Variants in GABRA5 observed in about 807,000 individuals in gnomAD.
The protein encoded by GABRA5 is gamma-aminobutyric acid receptor subunit alpha-5.
A neutral mutation model predicts 47.3 loss-of-function variants in GABRA5; 18 were observed. The ratio of observed to expected loss-of-function variants is 0.38; its 90% CI spans 0.26 to 0.56. The LOEUF is 0.56. GABRA5 is among the 20% of genes least tolerant of loss of function. GABRA5 has a pLI of 0.71. For missense variants in GABRA5, 365 were observed against 599.3 expected, an observed-to-expected ratio of 0.61 and a Z score of 4.08; for synonymous variants, 237 against 229.3, an observed-to-expected ratio of 1.03 and a Z score of -0.30.
rs1196290883 is a variant in GABRA5, at chr15:26,895,847, A to G, written c.497+12290A>G. Among the ~76,000 whole-genome samples the G allele has an allele frequency of 1.1e-3, 148 of 134,970 alleles. 1 individual carries two copies. The highest frequency in any genetic ancestry group is 3.8e-3 in the Middle Eastern group (1 of 262). The allele number at this position is 134,970 out of a possible 152,430, so 88.5% of individuals were successfully genotyped here. A position where few individuals can be genotyped will look rare whatever the true frequency, so the allele number is the denominator to read the frequency against. On this transcript the variant is annotated intron_variant, in intron 6 of 10. Coordinates refer to ENST00000335625, the MANE Select transcript of GABRA5 (RefSeq NM_000810.4). ...AAAAAAAGAAGAAGAAGAAGAAGAAAAAGAAAATATAAGTGAAAAGAGTTT... is the reference window on the plus strand; with the variant it reads ...AAAAAAAGAAGAAGAAGAAGAAGAAGAAGAAAATATAAGTGAAAAGAGTTT...
chr15:26,932,312 G>A (rs1416868764), intron 7 of GABRA5, among the ~76,000 whole-genome samples: 1 of 152,112 alleles, frequency 6.6e-6, no homozygotes, highest in African/African-American at 2.4e-5. Context: ...CAAAGGACAT[G>A]AACAGACAAT....
intron 6 of GABRA5, among the ~76,000 whole-genome samples, chr15:26,888,882 T>C (rs1460131993): frequency 6.6e-6 from 1 of 152,132 alleles, no homozygotes; most frequent in Admixed American, 6.5e-5. Context: ...GGCTCTTGTG[T>C]GACTGCAACA....
At chr15:26,937,024 G>C (rs1472870860) in intron 7 of GABRA5, among the ~76,000 whole-genome samples, 161 bp from the exon 8 acceptor site, 1 of 152,156 alleles carries the variant, frequency 6.6e-6, no homozygotes, top group Admixed American at 6.5e-5. Flanking sequence ...CTGCAGTGGC[G>C]TCTGCCCTGG....
At chr15:26,900,454 C>A (rs1410659202) in intron 6 of GABRA5, among the ~76,000 whole-genome samples, 2 of 152,058 alleles carry the variant, frequency 1.3e-5, no homozygotes. Context: ...CCTTTTATCT[C>A]TGCCTAAAGG....
intron 7 of GABRA5, among the ~76,000 whole-genome samples, 187 bp from the exon 8 acceptor site, chr15:26,936,998 A>T (rs965971820): frequency 6.6e-6 from 1 of 152,178 alleles, no homozygotes; most frequent in Admixed American, 6.5e-5. Flanking sequence ...GCCTTTAGAC[A>T]TGGGAAGATG....
In GABRA5 at chr15:26,948,685, A is replaced by T. The variant is rs543024343; in HGVS notation, c.*452A>T. ...AGAGATCATAAAGAGCACGTTTTCC[A>T]TTATGAGGAAACTTGGACATTTATG... is the stretch of plus-strand genomic sequence containing the variant. On this transcript the variant is annotated 3_prime_UTR_variant, in exon 11 of 11. Coordinates refer to ENST00000335625, the MANE Select transcript of GABRA5 (RefSeq NM_000810.4). The T allele has an allele frequency of 6.2e-6, 1 of 160,180 alleles. No homozygotes were observed. Among genetic ancestry groups the T allele is most frequent in the African/African-American group, 2.4e-5 (1 of 41,664 alleles). 9.9% of individuals were successfully genotyped at this position (160,180 alleles called of 1,614,324 possible).
chr15:26,928,436 G>A (rs1054494414), intron 7 of GABRA5, among the ~76,000 whole-genome samples: 2 of 152,138 alleles, frequency 1.3e-5, no homozygotes, highest in Admixed American at 6.6e-5. Flanking sequence ...ACGTTGATGC[G>A]TTAGTTACCC....
intron 7 of GABRA5, among the ~76,000 whole-genome samples, chr15:26,933,096 A>G (rs564928987): frequency 2.1e-4 from 27 of 131,626 alleles, no homozygotes; most frequent in African/African-American, 7.5e-4. Context: ...GTATCCCGGA[A>G]CTTAAAAAAA....
At chr15:26,885,200 G>A (rs1892846250) in intron 6 of GABRA5, among the ~76,000 whole-genome samples, 1 of 151,818 alleles carries the variant, frequency 6.6e-6, no homozygotes, top group Non-Finnish European at 1.5e-5. Context: ...TTGGGAGGCT[G>A]AGGCAGGAAA....
At chr15:26,881,053 A>G (rs1157177112) in intron 4 of GABRA5, 86 bp downstream of exon 4, 21 of 1,448,386 alleles carry the variant, frequency 1.4e-5, no homozygotes, top group African/African-American at 4.3e-5. Flanking sequence ...GCTGATTCAA[A>G]CAATTCCTAA....
intron 6 of GABRA5, among the ~76,000 whole-genome samples, chr15:26,895,175 C>G (rs368452805): frequency 6.6e-6 from 1 of 152,010 alleles, no homozygotes; most frequent in African/African-American, 2.4e-5. Context: ...CCTGACCCCA[C>G]CTGCCGCCCC....
chr15:26,883,570 C>CGGGGG lies in GABRA5; in HGVS notation c.497+14_497+18dup. ...TCTACACCATGCGGTGAGCGCCGGG[C>CGGGGG]GGGGGCGGGCGGGGCCGGGGGACGG... On this transcript the variant is annotated intron_variant, in intron 6 of 10. Coordinates refer to ENST00000335625, the MANE Select transcript of GABRA5 (RefSeq NM_000810.4). The surrounding 1 kb of genome is among the most constrained non-coding windows in gnomAD (Gnocchi z 4.8). The CGGGGG allele has an allele frequency of 2.2e-4, 108 of 501,106 alleles. No individual in the cohort carries two copies. Among genetic ancestry groups the CGGGGG allele is most frequent in the Non-Finnish European group, 3.4e-4 (91 of 270,264 alleles). The allele number at this position is 501,106 out of a possible 1,614,324, so 31.0% of individuals were successfully genotyped here.
chr15:26,930,552 G>C (rs1422407319), intron 7 of GABRA5, among the ~76,000 whole-genome samples: 2 of 152,146 alleles, frequency 1.3e-5, no homozygotes, highest in African/African-American at 4.8e-5. Context: ...CCAATAACAT[G>C]TTCCTCATTT....
intron 6 of GABRA5, among the ~76,000 whole-genome samples, chr15:26,891,690 C>T (rs1023588772): frequency 6.6e-6 from 1 of 152,156 alleles, no homozygotes; most frequent in Admixed American, 6.5e-5. Context: ...GTCTGCGCGG[C>T]CTTGAGGTTG....
chr15:26,876,946 G>A (rs781738556), intron 3 of GABRA5, among the ~76,000 whole-genome samples: 1 of 152,180 alleles, frequency 6.6e-6, no homozygotes, highest in Admixed American at 6.5e-5. Context: ...TGGGAGAGGT[G>A]GCTCTGGCCT....
chr15:26,898,154 G>A (rs1356730900), intron 6 of GABRA5, among the ~76,000 whole-genome samples: 2 of 152,194 alleles, frequency 1.3e-5, no homozygotes, highest in African/African-American at 2.4e-5. Flanking sequence ...CTTAGAAATT[G>A]AGAAGAATGC....
intron 6 of GABRA5, among the ~76,000 whole-genome samples, chr15:26,893,008 TG>T (rs1893049567): frequency 6.7e-6 from 1 of 149,866 alleles, no homozygotes; most frequent in Non-Finnish European, 1.5e-5. Context: ...GTGTGTAGTG[TG>T]TTGTGTTTAT....
intron 6 of GABRA5, among the ~76,000 whole-genome samples, chr15:26,888,852 G>A (rs1449564051): frequency 6.6e-6 from 1 of 152,180 alleles, no homozygotes; most frequent in Non-Finnish European, 1.5e-5. Context: ...CCCCTGGCAG[G>A]AGAGCAAGTC....
chr15:26,901,366 A>G (rs554441909), intron 6 of GABRA5, among the ~76,000 whole-genome samples: 219 of 152,288 alleles, frequency 1.4e-3, no homozygotes, highest in Non-Finnish European at 2.8e-3. Context: ...GGAGATGTGT[A>G]GTGATATCTC....
Sources: gnomAD v4.1 joint callset for allele counts (sites outside exome capture counted in the v4.1 genomes callset) on GRCh38, gnomAD v4.1.1 for gene constraint, Gnocchi (gnomAD v3.1) non-coding constraint, MANE v1.5 for transcripts, NCBI Gene and HGNC (gene_info 2026-07-23, HGNC 2026-07-21) for gene names.